TBL1XR1: variants seen among roughly 807,000 people sequenced by gnomAD.
TBL1XR1 encodes TBL1X/Y related 1.
Under a neutral mutation model 66.9 loss-of-function variants are expected in TBL1XR1, and 5 were observed. The ratio of observed to expected loss-of-function variants is 0.07; its 90% CI spans 0.04 to 0.16. The LOEUF is 0.16. TBL1XR1 is among the 10% of genes least tolerant of loss of function. TBL1XR1 has a pLI of 1.00. For missense variants in TBL1XR1, 238 were observed against 623.2 expected (o/e 0.38, Z 6.58); for synonymous variants, 210 against 206.0 (o/e 1.02, Z -0.17).
intron 14 of TBL1XR1, among the ~76,000 whole-genome samples, chr3:177,031,047 G>A (rs778972327): frequency 7.2e-5 from 11 of 152,182 alleles, no homozygotes; most frequent in Non-Finnish European, 1.5e-4. Context: ...AGGAGGTGGA[G>A]GTTGCAGTTA....
chr3:177,084,231 C>T (rs370378658), intron 2 of TBL1XR1, among the ~76,000 whole-genome samples: 1 of 152,254 alleles, frequency 6.6e-6, no homozygotes, highest in South Asian at 2.1e-4. Flanking sequence ...CAGAACATTG[C>T]CAATGCCTTA....
At chr3:177,076,337 CCATGTTCTCCCTGTGTCTTCACA>C (rs1720699823) in intron 2 of TBL1XR1, among the ~76,000 whole-genome samples, 1 of 152,214 alleles carries the variant, frequency 6.6e-6, no homozygotes, top group South Asian at 2.1e-4. Flanking sequence ...AGTCACTTTG[CCATGTTCTCCCTGTGTCTTCACA>C]CTGTTCTCCC....
chr3:177,088,441 T>A (rs897915479), intron 2 of TBL1XR1, among the ~76,000 whole-genome samples: 1 of 152,222 alleles, frequency 6.6e-6, no homozygotes, highest in Non-Finnish European at 1.5e-5. Context: ...CCCCAAGATA[T>A]CTCATTATAG....
chr3:177,068,165 C>A (rs1259141176), intron 2 of TBL1XR1, among the ~76,000 whole-genome samples: 1 of 152,252 alleles, frequency 6.6e-6, no homozygotes, highest in Admixed American at 6.5e-5. Context: ...TAGACACTTC[C>A]TAAATTCACA....
At chr3:177,128,890 C>A (rs1281489666) in intron 1 of TBL1XR1, among the ~76,000 whole-genome samples, 1 of 152,160 alleles carries the variant, frequency 6.6e-6, no homozygotes, top group African/African-American at 2.4e-5. Flanking sequence ...ATCACAGCCA[C>A]TTTCCTCATT....
chr3:177,190,401 C>T (rs1400039329), intron 1 of TBL1XR1, among the ~76,000 whole-genome samples: 1 of 152,066 alleles, frequency 6.6e-6, no homozygotes, highest in Non-Finnish European at 1.5e-5. Context: ...CTGCAGCCTC[C>T]GCCTCCCGGG....
At chr3:177,173,951 A>G (rs944427507) in intron 1 of TBL1XR1, among the ~76,000 whole-genome samples, 8 of 152,226 alleles carry the variant, frequency 5.3e-5, no homozygotes, top group Non-Finnish European at 5.9e-5. Context: ...AATGACTTTT[A>G]TATTAATGTA....
At chr3:177,026,923 A>T (rs1713211894) in intron 14 of TBL1XR1, 1 of 154,360 alleles carries the variant, frequency 6.5e-6, no homozygotes, top group African/African-American at 2.4e-5. Flanking sequence ...TTCCAGTATA[A>T]ATCTGTTATT....
chr3:177,150,751 C>T (rs1483602187), intron 1 of TBL1XR1, among the ~76,000 whole-genome samples: 4 of 152,154 alleles, frequency 2.6e-5, no homozygotes, highest in Non-Finnish European at 5.9e-5. Context: ...GCTGAGCAGG[C>T]TCTAACAGAA....
rs142104291 is a variant in TBL1XR1 at position 177,152,685 on chromosome 3, A to G, written c.-122+44436T>C. On this transcript the variant is annotated intron_variant, in intron 1 of 15. Transcript: ENST00000457928. ...GGTCCTAGGTTCTATATATCTCTAT[A>G]TATTATTTTCTATATAGATTTCTCT... Among the ~76,000 whole-genome samples the G allele has an allele frequency of 1.9e-3, 283 of 152,240 alleles. 2 individuals carry two copies. The highest frequency in any genetic ancestry group is 6.7e-3 in the African/African-American group (277 of 41,536).
In TBL1XR1 at chr3:177,026,678, C is replaced by T. The variant is rs530204058; in HGVS notation, c.1417-204G>A. ...ATACCAGCCTGTTCTCAAAAGATTA[C>T]TCACACACATATTCAGTTTCTCCAG... On this transcript the variant is annotated intron_variant, in intron 14 of 15. Transcript: ENST00000457928. 6.2e-6 allele frequency: 3 copies of T among 481,350 alleles called. No homozygotes were observed. The South Asian group carries it at 1.1e-4, about 17-fold the overall frequency. 29.8% of individuals were successfully genotyped at this position (481,350 alleles called of 1,614,324 possible). A position where few individuals can be genotyped will look rare whatever the true frequency, so the allele number is the denominator to read the frequency against.
chr3:177,196,742 C>CT (rs71178102), intron 1 of TBL1XR1, among the ~76,000 whole-genome samples: 86,845 of 151,302 alleles, frequency 0.57, 25,322 homozygotes, highest in East Asian at 0.75. Context: ...GCCTCCCCCC[C>CT]CAAACACACA....
intron 9 of TBL1XR1, 101 bp from the exon 10 acceptor site, chr3:177,046,290 A>T: frequency 1.2e-6 from 1 of 839,168 alleles, no homozygotes; most frequent in Non-Finnish European, 1.8e-6. Context: ...GAAATGTCAG[A>T]GTGGATTTAA....
At chr3:177,053,120 C>G (rs1217395151) in intron 4 of TBL1XR1, among the ~76,000 whole-genome samples, 6 of 152,000 alleles carry the variant, frequency 3.9e-5, no homozygotes, top group Non-Finnish European at 2.9e-5. Context: ...CAAAACAAAA[C>G]AAAAAACAAA....
intron 1 of TBL1XR1, among the ~76,000 whole-genome samples, chr3:177,178,402 G>T (rs1315930852): frequency 6.6e-6 from 1 of 151,886 alleles, no homozygotes; most frequent in East Asian, 1.9e-4. Context: ...CGGAAAACTT[G>T]ACTTTACACA....
chr3:177,130,763 A>C (rs1177890578), intron 1 of TBL1XR1, among the ~76,000 whole-genome samples: 1 of 152,262 alleles, frequency 6.6e-6, no homozygotes, highest in Non-Finnish European at 1.5e-5. Context: ...AGATTATCAA[A>C]GCCCAGACTA....
At chr3:177,185,446 T>C (rs1047408688) in intron 1 of TBL1XR1, among the ~76,000 whole-genome samples, 1 of 151,804 alleles carries the variant, frequency 6.6e-6, no homozygotes, top group Non-Finnish European at 1.5e-5. Context: ...CCATTTCTAC[T>C]TAAGTACAAA....
chr3:177,084,545 A>G (rs1262272611), intron 2 of TBL1XR1, among the ~76,000 whole-genome samples: 3 of 152,214 alleles, frequency 2.0e-5, no homozygotes, highest in Non-Finnish European at 4.4e-5. Context: ...CAACTTGATA[A>G]TCCTTTTTCT....
intron 1 of TBL1XR1, among the ~76,000 whole-genome samples, chr3:177,116,283 G>A (rs892943874): frequency 6.6e-6 from 1 of 151,834 alleles, no homozygotes; most frequent in Non-Finnish European, 1.5e-5. Flanking sequence ...TCCTCTTCTC[G>A]TATTTCCTAC....
Sources: gnomAD v4.1 joint callset for allele counts (sites outside exome capture counted in the v4.1 genomes callset) on GRCh38, gnomAD v4.1.1 for gene constraint, MANE v1.5 for transcripts, NCBI Gene and HGNC (gene_info 2026-07-23, HGNC 2026-07-21) for gene names.